SRGAP1: variants seen among roughly 807,000 people sequenced by gnomAD.
SRGAP1 encodes the protein SLIT-ROBO Rho GTPase-activating protein 1.
A neutral mutation model predicts 121.9 loss-of-function variants in SRGAP1; 43 were observed. That is an observed-to-expected ratio of 0.35 (90% CI 0.28 to 0.46). The LOEUF (loss-of-function observed/expected upper bound fraction) is 0.46, where lower values mean the gene tolerates loss of function less well. Among genes scored for constraint, SRGAP1 ranks in the 20% least tolerant of loss-of-function variants. SRGAP1 has a pLI of 1.00. For synonymous variants in SRGAP1, 447 were observed against 485.4 expected (o/e 0.92, Z 1.04); for missense variants, 1,102 against 1,350.9 (o/e 0.82, Z 2.89).
intron 6 of SRGAP1, among the ~76,000 whole-genome samples, chr12:64,050,239 T>C (rs1459157988): frequency 6.6e-6 from 1 of 152,222 alleles, no homozygotes; most frequent in African/African-American, 2.4e-5. Context: ...GTAACTTTAC[T>C]GAATTTGCTT....
At chr12:64,012,551 CTTTTT>C (rs386376760) in intron 3 of SRGAP1, among the ~76,000 whole-genome samples, 4 of 77,662 alleles carry the variant, frequency 5.2e-5, no homozygotes, top group Non-Finnish European at 6.8e-5. Flanking sequence ...AAGTTATTAT[CTTTTT>C]TTTTTTTTTT....
At chr12:63,957,745 G>A (rs1164024573) in intron 1 of SRGAP1, among the ~76,000 whole-genome samples, 2 of 152,104 alleles carry the variant, frequency 1.3e-5, no homozygotes, top group Non-Finnish European at 2.9e-5. Context: ...TGCTTGTCTT[G>A]GTTACTTGTC....
chr12:64,115,134 G>T (rs1385745420), intron 17 of SRGAP1, among the ~76,000 whole-genome samples: 1 of 152,128 alleles, frequency 6.6e-6, no homozygotes, highest in East Asian at 1.9e-4. Flanking sequence ...ATCAAAGAAT[G>T]ACCAATTTAT....
intron 18 of SRGAP1, among the ~76,000 whole-genome samples, chr12:64,119,763 T>C (rs1450295124): frequency 6.7e-6 from 1 of 149,808 alleles, no homozygotes; most frequent in African/African-American, 2.5e-5. Context: ...TTAAATATTA[T>C]TTGTTTCTTT....
intron 1 of SRGAP1, among the ~76,000 whole-genome samples, chr12:63,923,907 C>T (rs938464032): frequency 2.6e-5 from 4 of 152,202 alleles, no homozygotes; most frequent in Admixed American, 6.5e-5. Flanking sequence ...TTTGGGAGGC[C>T]GAGGCAGGCG....
At chr12:64,065,012 C>A in intron 7 of SRGAP1, 106 bp from the exon 8 acceptor site, 4 of 731,398 alleles carry the variant, frequency 5.5e-6, no homozygotes, top group South Asian at 1.9e-5. Flanking sequence ...GTAATTGGAA[C>A]CTTGAGAGGA....
At chr12:64,037,989 T>C (rs1264374410) in intron 4 of SRGAP1, among the ~76,000 whole-genome samples, 1 of 152,232 alleles carries the variant, frequency 6.6e-6, no homozygotes, top group African/African-American at 2.4e-5. Context: ...TATGATACTT[T>C]AGACTTTCCA....
chr12:64,074,227 A>G (rs997062250), intron 8 of SRGAP1, among the ~76,000 whole-genome samples: 1 of 152,102 alleles, frequency 6.6e-6, no homozygotes. Flanking sequence ...TCATCTCTCA[A>G]TGGGACTAGG....
intron 1 of SRGAP1, among the ~76,000 whole-genome samples, chr12:63,981,400 TG>T (rs1309959353): frequency 6.6e-6 from 1 of 152,190 alleles, no homozygotes. Context: ...GAAAACTAGT[TG>T]ACAGCTTAAG....
intron 1 of SRGAP1, among the ~76,000 whole-genome samples, chr12:63,881,253 A>T (rs61935958): frequency 0.048 from 7,320 of 152,302 alleles, 273 homozygotes; most frequent in Middle Eastern, 0.14. Context: ...CAGATCATTG[A>T]TGCATTACAG....
Position 64,149,609 on chromosome 12 carries a change from G to A in SRGAP1, c.*6937G>A, listed in dbSNP as rs1270186861. The A allele has an allele frequency of 6.6e-6, 1 of 152,220 alleles. No individual in the cohort carries two copies. Among genetic ancestry groups the A allele is most frequent in the South Asian group, 2.1e-4 (1 of 4,824 alleles). The allele number at this position is 152,220 out of a possible 1,614,324, so 9.4% of individuals were successfully genotyped here. ...TCACTCCCGAACCAGAGTCCCAACGGGGTGTAACTGGTCGTCAGTTCCCAC... is the reference window on the plus strand; with the variant it reads ...TCACTCCCGAACCAGAGTCCCAACGAGGTGTAACTGGTCGTCAGTTCCCAC... On this transcript the variant is annotated 3_prime_UTR_variant, in exon 22 of 22. Transcript: ENST00000355086.
intron 6 of SRGAP1, among the ~76,000 whole-genome samples, chr12:64,048,894 G>A (rs1442329521): frequency 1.3e-5 from 2 of 152,044 alleles, no homozygotes; most frequent in Non-Finnish European, 2.9e-5. Context: ...TATATGCTCT[G>A]GTTATTTATC....
At chr12:64,100,769 T>A (rs1453570658) in intron 15 of SRGAP1, among the ~76,000 whole-genome samples, 2 of 152,204 alleles carry the variant, frequency 1.3e-5, no homozygotes, top group Non-Finnish European at 2.9e-5. Context: ...TTCTTGGATG[T>A]TATTATCTCT....
In SRGAP1 at chr12:64,079,062, C is replaced by T; in HGVS notation, c.1269C>T (p.Pro423=). 1 of 1,614,056 alleles carries T rather than the reference C, an allele frequency of 6.2e-7. No homozygotes were observed. The highest frequency in any genetic ancestry group is 8.5e-7 in the Non-Finnish European group (1 of 1,179,986). The change falls in exon 9 of 22, where the codon CCC becomes CCT. Residue 423 remains proline, a synonymous_variant. Coordinates refer to ENST00000355086, the MANE Select transcript of SRGAP1 (RefSeq NM_020762.4). ...TCTCTGAAACCTACCTGAGTAAACCCAGCATCGCCAAGAGAAGAGCCAACC... is the reference window on the plus strand; with the variant it reads ...TCTCTGAAACCTACCTGAGTAAACCTAGCATCGCCAAGAGAAGAGCCAACC... ...STVSETYLSK[P]SIAKRRANQQ... is the part of the protein sequence containing the mutation.
chr12:64,141,808 A>T (rs749057508), intron 21 of SRGAP1, among the ~76,000 whole-genome samples: 2 of 151,968 alleles, frequency 1.3e-5, no homozygotes, highest in Non-Finnish European at 2.9e-5. Flanking sequence ...AATATTAGCC[A>T]GCTGTGGTAG....
chr12:64,115,813 G>A lies in SRGAP1; in HGVS notation c.2145-1G>A. On this transcript the variant is annotated splice_acceptor_variant, in intron 17 of 21. Coordinates refer to ENST00000355086, the MANE Select transcript of SRGAP1 (RefSeq NM_020762.4). LOFTEE classifies it high-confidence loss of function. ...TATGAATTTCCATTTGTATTCTACA[G>A]CGACAGCCCATACAGTGAGCACGGT... The A allele has an allele frequency of 6.2e-7, 1 of 1,612,716 alleles. No homozygotes were observed. The highest frequency in any genetic ancestry group is 8.5e-7 in the Non-Finnish European group (1 of 1,179,264).
chr12:64,065,025 G>T, intron 7 of SRGAP1, 93 bp from the exon 8 acceptor site: 2 of 814,862 alleles, frequency 2.5e-6, no homozygotes, highest in Non-Finnish European at 1.9e-6. Context: ...TGAGAGGATT[G>T]GTGTGATTCA....
At chr12:64,096,591 AT>A (rs1368522079) in intron 14 of SRGAP1, among the ~76,000 whole-genome samples, 12 of 152,196 alleles carry the variant, frequency 7.9e-5, no homozygotes, top group South Asian at 4.1e-4. Flanking sequence ...CATAAAAAAA[AT>A]AATTTTATAT....
chr12:64,158,441 G>A lies in SRGAP1; in HGVS notation c.*15769G>A, dbSNP rs2037182666. The A allele has an allele frequency of 6.6e-6, 1 of 151,960 alleles. No individual in the cohort carries two copies. Among genetic ancestry groups the A allele is most frequent in the Admixed American group, 6.6e-5 (1 of 15,252 alleles). The allele number at this position is 151,960 out of a possible 1,614,324, so 9.4% of individuals were successfully genotyped here. ...CCAGGGATTCAAACCCAACACATCG[G>A]GTGCTAAAGTCTACCCTCTTAGTTG... On this transcript the variant is annotated 3_prime_UTR_variant, in exon 22 of 22. Transcript: ENST00000355086.
Sources: allele counts gnomAD v4.1 joint callset (sites outside exome capture counted in the v4.1 genomes callset), GRCh38; gene constraint gnomAD v4.1.1; transcripts MANE v1.5; gene names NCBI Gene and HGNC (gene_info 2026-07-23, HGNC 2026-07-21).